Variants in BAHCC1 observed in about 807,000 individuals in gnomAD.
The protein encoded by BAHCC1 is BAH domain and coiled-coil containing 1, also known as BAH and coiled-coil domain-containing protein 1.
Under a neutral mutation model 88.2 loss-of-function variants are expected in BAHCC1, and 43 were observed. The ratio of observed to expected loss-of-function variants is 0.49; its 90% CI spans 0.38 to 0.63. BAHCC1 has a LOEUF of 0.63. BAHCC1 is among the 20% of genes least tolerant of loss of function. BAHCC1 has a pLI of 0.00. For missense variants in BAHCC1, 3,023 were observed against 1,654.8 expected, an observed-to-expected ratio of 1.83 and a Z score of -14.34; for synonymous variants, 1,510 against 745.5, an observed-to-expected ratio of 2.03 and a Z score of -16.71.
rs1380172135 is a variant in BAHCC1 at position 81,457,523 on chromosome 17, CCCT to C, written c.4977_4979del (p.Ser1660del). The C allele has an allele frequency of 4.0e-6, 3 of 754,116 alleles. No homozygotes were observed. The highest frequency in any genetic ancestry group is 1.7e-5 in the African/African-American group (1 of 58,650). 46.7% of individuals were successfully genotyped at this position (754,116 alleles called of 1,614,324 possible). ...CAGTGTGGCCGTGCTGGGGCCCTCA[CCCT>C]CCTCTGTGGTCAAGATGGAGGCCAA... On this transcript the variant is annotated inframe_deletion, in exon 17 of 28. Transcript: ENST00000675386.
At chr17:81,438,195 A>G (rs1466550337) in intron 3 of BAHCC1, among the ~76,000 whole-genome samples, 175 bp from the exon 4 acceptor site, 1 of 152,174 alleles carries the variant, frequency 6.6e-6, no homozygotes, top group African/African-American at 2.4e-5. Flanking sequence ...GCATTAGTGG[A>G]GTCAGAGTTA....
At chr17:81,454,805 C>G (rs1173090414) in intron 14 of BAHCC1, among the ~76,000 whole-genome samples, 1 of 152,008 alleles carries the variant, frequency 6.6e-6, no homozygotes. Context: ...CAGCCCCACT[C>G]AGGCCCCAGT....
At chr17:81,416,715 G>C (rs375938325) in intron 2 of BAHCC1, among the ~76,000 whole-genome samples, 62 of 152,320 alleles carry the variant, frequency 4.1e-4, no homozygotes, top group African/African-American at 1.5e-3. Flanking sequence ...TCCCGAGCCT[G>C]CACCTGCCTC....
At chr17:81,446,738 T>A in intron 10 of BAHCC1, 1 of 555,742 alleles carries the variant, frequency 1.8e-6, no homozygotes, top group Non-Finnish European at 3.5e-6. Flanking sequence ...TTTTTTGTAG[T>A]GGCACGTGCT....
intron 2 of BAHCC1, chr17:81,409,947 G>C (rs1302124883): frequency 4.9e-6 from 1 of 202,588 alleles, no homozygotes; most frequent in African/African-American, 2.4e-5. Context: ...GAGCTGAGGG[G>C]AGCGTGTGTA....
At chr17:81,449,133 G>A (rs987056708) in intron 11 of BAHCC1, among the ~76,000 whole-genome samples, 5 of 152,188 alleles carry the variant, frequency 3.3e-5, no homozygotes, top group African/African-American at 4.8e-5. Context: ...TGTAGACCAC[G>A]TGTCCCGGGT....
intron 2 of BAHCC1, chr17:81,410,996 G>T (rs2063942978): frequency 1.6e-5 from 8 of 491,048 alleles, no homozygotes; most frequent in South Asian, 1.2e-4. Context: ...CTTCGGAGCC[G>T]CACCTGGGTC....
At position 81,455,367 on chromosome 17, in the gene BAHCC1, G is replaced by A. The variant is rs1555657025; in HGVS notation, c.4546G>A (p.Ala1516Thr). Residue 1516 changes from alanine to threonine, a missense_variant, in exon 15 of 28, where the codon GCG (alanine) becomes ACG (threonine). Ala to Thr is a moderately conservative substitution (Grantham distance 58, BLOSUM62 0). Transcript: ENST00000675386. ...AAGCAAGCTGGAGAGGAGCGTCTAT[G>A]CGGGCCTGCAGACTGCCTCCGTGGT... is the stretch of plus-strand genomic sequence containing the variant. Reference protein sequence around the residue: ...KRSKLERSVYAGLQTASVEKA... With the variant: ...KRSKLERSVYTGLQTASVEKA... 1.4e-6 allele frequency: 1 copy of A among 716,568 alleles called. No homozygotes were observed. Among genetic ancestry groups the A allele is most frequent in the Admixed American group, 2.0e-5 (1 of 50,022 alleles). The allele number at this position is 716,568 out of a possible 1,614,324, so 44.4% of individuals were successfully genotyped here. A position where few individuals can be genotyped will look rare whatever the true frequency, so the allele number is the denominator to read the frequency against.
At position 81,399,836 on chromosome 17, in the gene BAHCC1, G is replaced by C; in HGVS notation, c.97G>C (p.Ala33Pro). The stretch of plus-strand genomic sequence containing the variant: ...CGCTGCCGCCGCGCGTCTCGCCCCG[G>C]CTGGGCCCGCCGCGCAGCCCCCCGC... ...SAAAAARLAPAGPAAQPPAHF... is the reference protein window; with the variant it reads ...SAAAAARLAPPGPAAQPPAHF... Residue 33 changes from alanine to proline, a missense_variant, in exon 2 of 28, where the codon GCT (alanine) becomes CCT (proline). Physicochemically the swap from Ala to Pro is conservative, Grantham distance 27. Coordinates refer to ENST00000675386, the MANE Select transcript of BAHCC1 (RefSeq NM_001377448.1). This position sits in a 1 kb window ranked among gnomAD's most constrained non-coding sequence, Gnocchi z 4.5. 2.9e-6 allele frequency: 4 copies of C among 1,356,114 alleles called. No individual in the cohort carries two copies. Among genetic ancestry groups the C allele is most frequent in the Non-Finnish European group, 3.8e-6 (4 of 1,053,838 alleles). The allele number at this position is 1,356,114 out of a possible 1,614,324, so 84.0% of individuals were successfully genotyped here. A position where few individuals can be genotyped will look rare whatever the true frequency, so the allele number is the denominator to read the frequency against.
At chr17:81,453,594 C>G (rs1555656477) in intron 14 of BAHCC1, among the ~76,000 whole-genome samples, 1 of 151,948 alleles carries the variant, frequency 6.6e-6, no homozygotes, top group Non-Finnish European at 1.5e-5. Flanking sequence ...TATGGCTGCC[C>G]CCCCCCAGAG....
At chr17:81,449,584 A>T (rs2064595356) in intron 11 of BAHCC1, among the ~76,000 whole-genome samples, 1 of 152,104 alleles carries the variant, frequency 6.6e-6, no homozygotes, top group African/African-American at 2.4e-5. Context: ...GCTTCTGGCC[A>T]ACTGCAGTGA....
In BAHCC1 at chr17:81,462,779, A is replaced by G. The variant is rs2030417439; in HGVS notation, c.7423A>G (p.Lys2475Glu). The change falls in exon 27 of 28, where the codon AAG (lysine) becomes GAG (glutamate). Residue 2475 changes from lysine to glutamate, a missense_variant. Transcript: ENST00000675386. Reference protein sequence around the residue: ...MKGKARKLFYKAIVRGEETLR... With the variant: ...MKGKARKLFYEAIVRGEETLR... ...GGGGAAGGCCCGGAAGCTGTTCTACAAGGCCATCGTGCGGGGCGAGGAGAC... is the reference window on the plus strand; with the variant it reads ...GGGGAAGGCCCGGAAGCTGTTCTACGAGGCCATCGTGCGGGGCGAGGAGAC... 3.9e-6 allele frequency: 3 copies of G among 777,848 alleles called. No individual in the cohort carries two copies. The highest frequency in any genetic ancestry group is 3.4e-5 in the Admixed American group (2 of 58,912). The allele number at this position is 777,848 out of a possible 1,614,324, so 48.2% of individuals were successfully genotyped here.
rs372409821 is a variant in BAHCC1, at chr17:81,443,176, T to C, written c.1827T>C (p.Phe609=). The C allele has an allele frequency of 6.4e-6, 5 of 779,126 alleles. No homozygotes were observed. Among genetic ancestry groups the C allele is most frequent in the South Asian group, 1.3e-5 (1 of 74,588 alleles). The allele number at this position is 779,126 out of a possible 1,614,324, so 48.3% of individuals were successfully genotyped here. Residue 609 remains phenylalanine (F), a synonymous_variant, in exon 5 of 28, where the codon TTT becomes TTC. Transcript: ENST00000675386. The part of the protein sequence containing the change: ...ERKAGAYLDP[F]GSGLQQAALL... ...AGGCTGGCGCCTACCTGGACCCCTTTGGCAGTGGCCTGCAGCAGGCGGCTC... is the reference window on the plus strand; with the variant it reads ...AGGCTGGCGCCTACCTGGACCCCTTCGGCAGTGGCCTGCAGCAGGCGGCTC...
chr17:81,444,967 G>C (rs1555653907), intron 8 of BAHCC1, 48 bp from the exon 9 acceptor site: 2 of 700,218 alleles, frequency 2.9e-6, no homozygotes, highest in Non-Finnish European at 5.2e-6. Flanking sequence ...CAGCCCCGGA[G>C]CTGTCCCCTC....
chr17:81,407,418 C>T (rs782378057), intron 2 of BAHCC1: 6 of 518,742 alleles, frequency 1.2e-5, no homozygotes, highest in East Asian at 5.5e-5. Flanking sequence ...CCTTGGAGCA[C>T]AGTTGAAGCT....
intron 2 of BAHCC1, among the ~76,000 whole-genome samples, chr17:81,410,323 C>A (rs142435658): frequency 3.3e-5 from 5 of 152,146 alleles, no homozygotes; most frequent in Non-Finnish European, 7.4e-5. Flanking sequence ...TGAGGGCCCA[C>A]CTCATGCCTC....
At chr17:81,462,711 C>T (rs781929025) in intron 26 of BAHCC1, 29 bp from the exon 27 acceptor site, 7 of 726,868 alleles carry the variant, frequency 9.6e-6, no homozygotes, top group Non-Finnish European at 2.6e-6. Context: ...CCCGGCCTCT[C>T]AGAGCCACCC....
Position 81,442,954 on chromosome 17 carries a change from C to T in BAHCC1, c.1605C>T (p.Pro535=), listed in dbSNP as rs1264536856. Residue 535 remains proline, a synonymous_variant, in exon 5 of 28, where the codon CCC becomes CCT. Coordinates refer to ENST00000675386, the MANE Select transcript of BAHCC1 (RefSeq NM_001377448.1). ...KTVGKEAPAG[P]PGAQKVARIR... ...TTGGCAAGGAAGCCCCGGCCGGCCC[C>T]CCAGGGGCACAGAAGGTGGCCCGCA... 1 of 779,162 alleles carries T rather than the reference C, an allele frequency of 1.3e-6. No individual in the cohort carries two copies. The highest frequency in any genetic ancestry group is 2.4e-5 in the East Asian group (1 of 41,234). The allele number at this position is 779,162 out of a possible 1,614,324, so 48.3% of individuals were successfully genotyped here. A position where few individuals can be genotyped will look rare whatever the true frequency, so the allele number is the denominator to read the frequency against.
intron 2 of BAHCC1, chr17:81,407,312 A>G (rs1358425997): frequency 1.9e-6 from 1 of 518,666 alleles, no homozygotes; most frequent in Non-Finnish European, 3.9e-6. Context: ...CCCCACCAAA[A>G]AAGAGAAGCC....
Sources: gnomAD v4.1 joint callset for allele counts (sites outside exome capture counted in the v4.1 genomes callset) on GRCh38, gnomAD v4.1.1 for gene constraint, Gnocchi (gnomAD v3.1) non-coding constraint, MANE v1.5 for transcripts, NCBI Gene and HGNC (gene_info 2026-07-23, HGNC 2026-07-21) for gene names.